FAM124B: variants seen among roughly 807,000 people sequenced by gnomAD.
The protein encoded by FAM124B is protein FAM124B.
In FAM124B, 18 loss-of-function variants were observed where a neutral mutation model predicts 19.7. The observed-to-expected ratio is 0.92, with a 90% CI of 0.63 to 1.36. The LOEUF (loss-of-function observed/expected upper bound fraction) is 1.36, where lower values mean the gene tolerates loss of function less well. Among genes scored for constraint, FAM124B ranks in the 40% most tolerant of loss-of-function variants. FAM124B has a pLI of 0.00. For synonymous variants in FAM124B, 223 were observed against 225.2 expected, an observed-to-expected ratio of 0.99 and a Z score of 0.09; for missense variants, 540 against 553.3, an observed-to-expected ratio of 0.98 and a Z score of 0.24.
In FAM124B at chr2:224,401,308, C is replaced by CTGATGGCGTCTT. The variant is rs761291964; in HGVS notation, c.449_460dup (p.Ile153_Arg154insLysAspAlaIle). 1 of 1,614,008 alleles carries CTGATGGCGTCTT rather than the reference C, an allele frequency of 6.2e-7. No individual in the cohort carries two copies. The highest frequency in any genetic ancestry group is 8.5e-7 in the Non-Finnish European group (1 of 1,180,024). On this transcript the variant is annotated inframe_insertion, in exon 1 of 2. Coordinates refer to ENST00000409685, the MANE Select transcript of FAM124B (RefSeq NM_001122779.2). ...TCTCTGCAGGATCATCTCGTAGAGT[C>CTGATGGCGTCTT]TGATGGCGTCTTCATAGTTATCAAA...
At chr2:224,388,170 A>C (rs888392009) in intron 1 of FAM124B, among the ~76,000 whole-genome samples, 28 of 152,334 alleles carry the variant, frequency 1.8e-4, no homozygotes, top group Admixed American at 1.5e-3. Flanking sequence ...GGGAAAATAT[A>C]TAATCAGTTA....
At position 224,380,002 on chromosome 2, in the gene FAM124B, C is replaced by T. The variant is rs772699113; in HGVS notation, c.939G>A (p.Ser313=). 36 of 1,551,686 alleles carry T rather than the reference C, an allele frequency of 2.3e-5. No homozygotes were observed. The highest frequency in any genetic ancestry group is 1.7e-4 in the South Asian group (14 of 84,054). ...SPTSDRCAGT[S]WKSPGRSFQV... The stretch of plus-strand genomic sequence containing the variant: ...GGAATGACCGGCCAGGGCTTTTCCA[C>T]GAAGTGCCAGCACACCTGTCTGATG... The change falls in exon 2 of 2, where the codon TCG becomes TCA. Residue 313 remains serine (S), a synonymous_variant. Coordinates refer to ENST00000409685, the MANE Select transcript of FAM124B (RefSeq NM_001122779.2).
In FAM124B at chr2:224,402,010, G is replaced by T. The variant is rs1690084414; in HGVS notation, c.-242C>A. On this transcript the variant is annotated 5_prime_UTR_variant, in exon 1 of 2. Coordinates refer to ENST00000409685, the MANE Select transcript of FAM124B (RefSeq NM_001122779.2). ...CCTCCCTCTCCACACAGCAGCAGCG[G>T]GGTCACGTCATCCAGCTTGTGCATA... is the stretch of plus-strand genomic sequence containing the variant. 3.9e-6 allele frequency: 2 copies of T among 509,820 alleles called. No individual in the cohort carries two copies. Among genetic ancestry groups the T allele is most frequent in the Admixed American group, 3.2e-5 (1 of 31,026 alleles). 31.6% of individuals were successfully genotyped at this position (509,820 alleles called of 1,614,324 possible). A position where few individuals can be genotyped will look rare whatever the true frequency, so the allele number is the denominator to read the frequency against.
intron 1 of FAM124B, among the ~76,000 whole-genome samples, chr2:224,392,267 A>C (rs368305805): frequency 1.3e-5 from 2 of 151,974 alleles, no homozygotes; most frequent in East Asian, 1.9e-4. Context: ...ACATAGCAAG[A>C]CTCCCATCTC....
chr2:224,398,554 T>C (rs1413896479), intron 1 of FAM124B, among the ~76,000 whole-genome samples: 1 of 152,208 alleles, frequency 6.6e-6, no homozygotes, highest in Admixed American at 6.5e-5. Context: ...AGGCGATCTC[T>C]CACTCTGTTT....
intron 1 of FAM124B, among the ~76,000 whole-genome samples, chr2:224,384,632 T>C (rs1189103934): frequency 6.6e-6 from 1 of 152,142 alleles, no homozygotes; most frequent in African/African-American, 2.4e-5. Context: ...TGTTCAAACC[T>C]TCAAAACTGT....
chr2:224,380,019 T>C lies in FAM124B; in HGVS notation c.922A>G (p.Arg308Gly), dbSNP rs1341994167. 1 of 1,551,678 alleles carries C rather than the reference T, an allele frequency of 6.4e-7. No individual in the cohort carries two copies. The highest frequency in any genetic ancestry group is 1.4e-5 in the African/African-American group (1 of 73,166). Residue 308 changes from arginine to glycine, a missense_variant, in exon 2 of 2, where the codon AGG becomes GGG. By Grantham distance (125) the Arg-to-Gly change is moderately radical (BLOSUM62 -2). Transcript: ENST00000409685. ...PEPSGSPTSD[R>G]CAGTSWKSPG... ...CTTTTCCACGAAGTGCCAGCACACC[T>C]GTCTGATGTGGGGCTCCCACTGGGC...
chr2:224,401,012 A>G, intron 1 of FAM124B, 25 bp downstream of exon 1: 1 of 1,563,304 alleles, frequency 6.4e-7, no homozygotes, highest in Non-Finnish European at 8.7e-7. Context: ...GAGCCTCTAC[A>G]AGATCTGAGA....
intron 1 of FAM124B, among the ~76,000 whole-genome samples, chr2:224,386,021 G>A (rs953550114): frequency 2.6e-5 from 4 of 152,082 alleles, no homozygotes; most frequent in Admixed American, 2.6e-4. Context: ...CCATCGTCCT[G>A]CTTCAGTGAC....
intron 1 of FAM124B, among the ~76,000 whole-genome samples, chr2:224,384,185 C>G (rs1462203181): frequency 6.6e-6 from 1 of 152,182 alleles, no homozygotes; most frequent in Admixed American, 6.5e-5. Context: ...ACTGGGCCTT[C>G]TCCACCTGCA....
intron 1 of FAM124B, chr2:224,400,538 C>A (rs567126039): frequency 5.8e-5 from 40 of 685,112 alleles, no homozygotes; most frequent in African/African-American, 1.4e-4. Flanking sequence ...ATTAAAAAAA[C>A]CATATCTAAA....
chr2:224,392,466 T>G (rs989066761), intron 1 of FAM124B, among the ~76,000 whole-genome samples: 3 of 151,684 alleles, frequency 2.0e-5, no homozygotes, highest in Admixed American at 6.6e-5. Flanking sequence ...AGAAAAAAGA[T>G]GAGATAGGCC....
intron 1 of FAM124B, among the ~76,000 whole-genome samples, chr2:224,396,087 C>A (rs1393736155): frequency 6.6e-6 from 1 of 152,170 alleles, no homozygotes; most frequent in African/African-American, 2.4e-5. Context: ...CAGACACTGA[C>A]CTTAGGTTCT....
rs752966609 is a variant in FAM124B, at chr2:224,380,209, C to A, written c.733-1G>T. 6.5e-7 allele frequency: 1 copy of A among 1,535,094 alleles called. No homozygotes were observed. Among genetic ancestry groups the A allele is most frequent in the Non-Finnish European group, 8.8e-7 (1 of 1,137,334 alleles). ...CACCAAGTTCTGGATTCAGCTGAACCTACAGGAAAGGAAAGGAGGAACATA... is the reference window on the plus strand; with the variant it reads ...CACCAAGTTCTGGATTCAGCTGAACATACAGGAAAGGAAAGGAGGAACATA... On this transcript the variant is annotated splice_acceptor_variant, in intron 1 of 1. Coordinates refer to ENST00000409685, the MANE Select transcript of FAM124B (RefSeq NM_001122779.2). LOFTEE classifies it high-confidence loss of function.
intron 1 of FAM124B, 93 bp from the exon 2 acceptor site, chr2:224,380,301 A>ATGCCC: frequency 8.8e-7 from 1 of 1,133,298 alleles, no homozygotes; most frequent in South Asian, 1.6e-5. Context: ...CTGCCATGCC[A>ATGCCC]TGCCCATAGC....
intron 1 of FAM124B, among the ~76,000 whole-genome samples, chr2:224,394,517 G>A (rs950521297): frequency 4.6e-5 from 7 of 152,120 alleles, no homozygotes; most frequent in African/African-American, 1.7e-4. Context: ...CTGGAAAACT[G>A]AAGTCCCCTC....
In FAM124B at chr2:224,400,513, A is replaced by G. The variant is rs571425145; in HGVS notation, c.732+524T>C. ...AGAGGAAGACTCCCATCTCTAAAAA[A>G]TAAAAAAATTAAAAATTAAAAAAAC... On this transcript the variant is annotated intron_variant, in intron 1 of 1. Coordinates refer to ENST00000409685, the MANE Select transcript of FAM124B (RefSeq NM_001122779.2). The G allele has an allele frequency of 4.3e-6, 3 of 690,334 alleles. No homozygotes were observed. In the East Asian group the frequency reaches 8.1e-5, roughly 19 times the overall value. The allele number at this position is 690,334 out of a possible 1,614,324, so 42.8% of individuals were successfully genotyped here. A position where few individuals can be genotyped will look rare whatever the true frequency, so the allele number is the denominator to read the frequency against.
At chr2:224,381,127 A>G (rs997468803) in intron 1 of FAM124B, among the ~76,000 whole-genome samples, 1 of 152,200 alleles carries the variant, frequency 6.6e-6, no homozygotes, top group African/African-American at 2.4e-5. Context: ...TTAATCAAAT[A>G]TCAAGAAGAA....
intron 1 of FAM124B, among the ~76,000 whole-genome samples, chr2:224,385,901 C>G (rs1689794584): frequency 6.6e-6 from 1 of 152,174 alleles, no homozygotes; most frequent in African/African-American, 2.4e-5. Context: ...GCCATCATCA[C>G]CTCTTGTCTG....
Sources: gnomAD v4.1 joint callset for allele counts (sites outside exome capture counted in the v4.1 genomes callset) on GRCh38, gnomAD v4.1.1 for gene constraint, MANE v1.5 for transcripts, NCBI Gene and HGNC (gene_info 2026-07-23, HGNC 2026-07-21) for gene names.